Variants in CDH12 observed in about 807,000 individuals in gnomAD.
CDH12 encodes the protein cadherin-12.
CDH12 carries 41 observed loss-of-function variants against 74.1 expected under a neutral mutation model. The observed-to-expected ratio is 0.55, with a 90% confidence interval of 0.43 to 0.72. The LOEUF (loss-of-function observed/expected upper bound fraction) is 0.72, where lower values mean the gene tolerates loss of function less well. CDH12 is among the 30% of genes least tolerant of loss of function. The pLI is 0.00. For synonymous variants in CDH12, 399 were observed against 355.0 expected, an observed-to-expected ratio of 1.12 and a Z score of -1.39; for missense variants, 945 against 977.2, an observed-to-expected ratio of 0.97 and a Z score of 0.44.
intron 3 of CDH12, among the ~76,000 whole-genome samples, chr5:22,399,473 C>T (rs112630621): frequency 6.6e-6 from 1 of 152,226 alleles, no homozygotes; most frequent in South Asian, 2.1e-4. Context: ...ATATAAGTAT[C>T]ATTTTAAAGC....
intron 1 of CDH12, among the ~76,000 whole-genome samples, chr5:22,806,000 A>C (rs979359261): frequency 1.3e-5 from 2 of 152,154 alleles, no homozygotes; most frequent in Non-Finnish European, 2.9e-5. Context: ...ATCCCGTTTT[A>C]TGGCTGCATA....
At chr5:22,653,822 G>C (rs1032616343) in intron 1 of CDH12, among the ~76,000 whole-genome samples, 6 of 152,158 alleles carry the variant, frequency 3.9e-5, no homozygotes, top group African/African-American at 7.2e-5. Flanking sequence ...ACTTATTGAA[G>C]CTTTTGGCCC....
chr5:22,272,825 T>C (rs1736460737), intron 3 of CDH12, among the ~76,000 whole-genome samples: 1 of 152,124 alleles, frequency 6.6e-6, no homozygotes, highest in South Asian at 2.1e-4. Context: ...TATGAAGAAA[T>C]ACTCAAGACT....
intron 14 of CDH12, 43 bp from the exon 15 acceptor site, chr5:21,752,279 T>C: frequency 6.5e-7 from 1 of 1,531,690 alleles, no homozygotes; most frequent in Non-Finnish European, 8.8e-7. Flanking sequence ...AGAAAGCAGA[T>C]AGGTCATTTC....
chr5:22,773,702 TAGAC>T (rs1746935352), intron 1 of CDH12, among the ~76,000 whole-genome samples: 1 of 151,928 alleles, frequency 6.6e-6, no homozygotes. Flanking sequence ...ACAGAATAAA[TAGAC>T]AACCTACAGA....
intron 10 of CDH12, among the ~76,000 whole-genome samples, chr5:21,797,758 G>A (rs374425140): frequency 5.5e-4 from 84 of 152,186 alleles, no homozygotes; most frequent in African/African-American, 1.9e-3. Context: ...GGTCTTGACT[G>A]TAACAATTTT....
intron 5 of CDH12, among the ~76,000 whole-genome samples, chr5:22,057,887 T>C (rs1207392008): frequency 6.6e-6 from 1 of 152,122 alleles, no homozygotes; most frequent in African/African-American, 2.4e-5. Flanking sequence ...TACGTGAGGA[T>C]TCACAATGAA....
At chr5:21,978,437 C>T (rs921141195) in intron 5 of CDH12, among the ~76,000 whole-genome samples, 9 of 152,214 alleles carry the variant, frequency 5.9e-5, no homozygotes, top group African/African-American at 1.4e-4. Flanking sequence ...GCCACTGCGC[C>T]CTGCCCTTCT....
At chr5:22,023,960 T>C (rs571804099) in intron 5 of CDH12, among the ~76,000 whole-genome samples, 1 of 152,240 alleles carries the variant, frequency 6.6e-6, no homozygotes, top group South Asian at 2.1e-4. Context: ...CACAGCTCAT[T>C]GGCCAAAAGC....
In CDH12 at chr5:22,524,699, C is replaced by T. The variant is rs192916007; in HGVS notation, c.-522-19335G>A. Among the ~76,000 whole-genome samples the T allele has an allele frequency of 6.5e-4, 99 of 152,284 alleles. 1 individual carries two copies. Among genetic ancestry groups the T allele is most frequent in the Admixed American group, 2.4e-3 (36 of 15,282 alleles). ...ACATATATTGTAGCAACACAGGCTT[C>T]CATATCAGAGTGGGTTGTGACAGTA... On this transcript the variant is annotated intron_variant, in intron 1 of 14. Coordinates refer to ENST00000382254, the MANE Select transcript of CDH12 (RefSeq NM_004061.5).
At chr5:22,347,272 T>C (rs1410570311) in intron 3 of CDH12, among the ~76,000 whole-genome samples, 1 of 152,200 alleles carries the variant, frequency 6.6e-6, no homozygotes, top group South Asian at 2.1e-4. Flanking sequence ...GGGCACCATC[T>C]AATCAGCTGA....
intron 8 of CDH12, among the ~76,000 whole-genome samples, chr5:21,839,635 T>C (rs1749727445): frequency 6.6e-6 from 1 of 152,150 alleles, no homozygotes; most frequent in African/African-American, 2.4e-5. Context: ...TGGAAAAACT[T>C]ACATATAGCC....
intron 3 of CDH12, among the ~76,000 whole-genome samples, chr5:22,288,972 A>T (rs1737272260): frequency 6.6e-6 from 1 of 152,174 alleles, no homozygotes; most frequent in South Asian, 2.1e-4. Context: ...TGAGCACAGA[A>T]GTTTGAAACC....
intron 2 of CDH12, among the ~76,000 whole-genome samples, chr5:22,420,549 A>G (rs934765754): frequency 6.6e-6 from 1 of 152,110 alleles, no homozygotes; most frequent in Non-Finnish European, 1.5e-5. Flanking sequence ...TTTTTGTACC[A>G]GCACCATGCT....
At chr5:22,290,513 T>C (rs1274849300) in intron 3 of CDH12, among the ~76,000 whole-genome samples, 2 of 151,956 alleles carry the variant, frequency 1.3e-5, no homozygotes, top group Non-Finnish European at 2.9e-5. Flanking sequence ...AAACCAAAAA[T>C]GCAATAGCGG....
At chr5:22,727,929 A>G (rs1225025402) in intron 1 of CDH12, among the ~76,000 whole-genome samples, 2 of 151,592 alleles carry the variant, frequency 1.3e-5, no homozygotes, top group Non-Finnish European at 3.0e-5. Flanking sequence ...CCTTGAATTT[A>G]TTTCACTGAA....
chr5:22,092,931 A>G (rs939430660), intron 4 of CDH12, among the ~76,000 whole-genome samples: 1 of 152,218 alleles, frequency 6.6e-6, no homozygotes, highest in East Asian at 1.9e-4. Context: ...GGGACTGATC[A>G]AGGAAAATGA....
At chr5:22,716,637 G>A (rs1211113132) in intron 1 of CDH12, among the ~76,000 whole-genome samples, 1 of 149,890 alleles carries the variant, frequency 6.7e-6, no homozygotes, top group Non-Finnish European at 1.5e-5. Context: ...AAAAATAAAT[G>A]AACAGTCTCA....
rs1749263902 is a variant in CDH12 at position 21,833,251 on chromosome 5, A to AATATATAACATATAATATATATTATATG, written c.814+8909_814+8910insCATATAATATATATTATATGTTATATAT. Among the ~76,000 whole-genome samples the AATATATAACATATAATATATATTATATG allele has an allele frequency of 1.5e-4, 2 of 13,218 alleles. 1 individual carries two copies. Among genetic ancestry groups the AATATATAACATATAATATATATTATATG allele is most frequent in the Non-Finnish European group, 1.9e-4 (2 of 10,308 alleles). The allele number at this position is 13,218 out of a possible 152,430, so 8.7% of individuals were successfully genotyped here. On this transcript the variant is annotated intron_variant, in intron 8 of 14. Coordinates refer to ENST00000382254, the MANE Select transcript of CDH12 (RefSeq NM_004061.5). ...ATATAACATATAATATATATTATATATTATATAACATATAATATATATTAT... is the reference window on the plus strand; with the variant it reads ...ATATAACATATAATATATATTATATAATATATAACATATAATATATATTATATGTTATATAACATATAATATATATTAT...
Sources: gnomAD v4.1 joint callset for allele counts (sites outside exome capture counted in the v4.1 genomes callset) on GRCh38, gnomAD v4.1.1 for gene constraint, MANE v1.5 for transcripts, NCBI Gene and HGNC (gene_info 2026-07-23, HGNC 2026-07-21) for gene names.